Variants in DCLK1 observed in about 807,000 individuals in gnomAD.
DCLK1 encodes serine/threonine-protein kinase DCLK1.
A neutral mutation model predicts 86.2 loss-of-function variants in DCLK1; 16 were observed. The ratio of observed to expected loss-of-function variants is 0.19; its 90% confidence interval spans 0.13 to 0.28. The LOEUF (loss-of-function observed/expected upper bound fraction) is 0.28, where lower values mean the gene tolerates loss of function less well. Among genes scored for constraint, DCLK1 ranks in the 10% least tolerant of loss-of-function variants. The pLI is 1.00. For missense variants in DCLK1, 590 were observed against 940.2 expected, an observed-to-expected ratio of 0.63 and a Z score of 4.87; for synonymous variants, 369 against 370.5, an observed-to-expected ratio of 1.00 and a Z score of 0.05.
chr13:35,928,357 C>T (rs1876241687), intron 4 of DCLK1, among the ~76,000 whole-genome samples: 1 of 152,190 alleles, frequency 6.6e-6, no homozygotes, highest in South Asian at 2.1e-4. Flanking sequence ...ACCCTCTCAC[C>T]TCAGGCCCTC....
chr13:36,112,480 G>A lies in DCLK1; in HGVS notation c.377-265C>T, dbSNP rs186302609. 2.0e-5 allele frequency among the ~76,000 whole-genome samples: 3 copies of A among 152,212 alleles called. No individual in the cohort carries two copies. The East Asian group carries it at 5.8e-4, about 29-fold the overall frequency. On this transcript the variant is annotated intron_variant, in intron 2 of 16. Coordinates refer to ENST00000360631, the MANE Select transcript of DCLK1 (RefSeq NM_001330071.2). ...TCTTAAGGTCGGTGATAGAAATGCT[G>A]ATCTACTTGAAAAGACCTTAGAGAA...
intron 3 of DCLK1, among the ~76,000 whole-genome samples, chr13:36,072,110 C>T (rs568361731): frequency 6.6e-6 from 1 of 152,232 alleles, no homozygotes; most frequent in East Asian, 1.9e-4. Flanking sequence ...TCAATTTCTC[C>T]TCTAATTTGT....
chr13:36,129,198 C>T (rs1169090202), intron 1 of DCLK1, among the ~76,000 whole-genome samples: 4 of 152,142 alleles, frequency 2.6e-5, no homozygotes, highest in Admixed American at 1.3e-4. Flanking sequence ...ACATCGAATT[C>T]TCAGTGACTG....
chr13:35,839,812 A>G (rs936895265), intron 6 of DCLK1, among the ~76,000 whole-genome samples: 10 of 152,224 alleles, frequency 6.6e-5, no homozygotes, highest in African/African-American at 2.2e-4. Context: ...TTTTTGACCC[A>G]AGATCCATGA....
intron 3 of DCLK1, among the ~76,000 whole-genome samples, chr13:36,002,063 A>G (rs1880745677): frequency 6.6e-6 from 1 of 152,192 alleles, no homozygotes; most frequent in Non-Finnish European, 1.5e-5. Context: ...AACTCTACTC[A>G]CAAGGCCAGG....
At chr13:35,966,505 CCCCTCCCCCTCT>C (rs1321939899) in intron 3 of DCLK1, among the ~76,000 whole-genome samples, 1 of 132,168 alleles carries the variant, frequency 7.6e-6, no homozygotes, top group Non-Finnish European at 1.6e-5. Context: ...CCTCCCCCTC[CCCCTCCCCCTCT>C]CCCTCTCCCT....
chr13:36,060,955 G>A lies in DCLK1; in HGVS notation c.723+50914C>T, dbSNP rs73525229. On this transcript the variant is annotated intron_variant, in intron 3 of 16. Transcript: ENST00000360631. ...GTCAGATGTGATGAATGCAACACCT[G>A]GTTAGGAACAATGTGTGCAAAACTG... is the stretch of plus-strand genomic sequence containing the variant. Among the ~76,000 whole-genome samples, 1,269 of 152,250 alleles carry A rather than the reference G, an allele frequency of 8.3e-3. 15 individuals carry two copies. The highest frequency in any genetic ancestry group is 0.029 in the African/African-American group (1,196 of 41,550).
chr13:35,854,521 G>T lies in DCLK1; in HGVS notation c.1013C>A (p.Pro338Gln). The T allele has an allele frequency of 6.2e-7, 1 of 1,604,556 alleles. No homozygotes were observed. The highest frequency in any genetic ancestry group is 8.5e-7 in the Non-Finnish European group (1 of 1,175,002). Reference sequence around the variant, plus strand: ...TACCCTCTGCTTCCGCAGGCTTCCTGGGCTGGTGGGTGATGGGCTTGGCGA... The same window carrying T: ...TACCCTCTGCTTCCGCAGGCTTCCTTGGCTGGTGGGTGATGGGCTTGGCGA... ...GKSPSPSPTS[P>Q]GSLRKQRSSQ... is the part of the protein sequence containing the mutation. Residue 338 changes from proline (P) to glutamine (Q), a missense_variant, in exon 6 of 17, where the codon CCA becomes CAA. Pro to Gln is a moderately conservative substitution (Grantham distance 76, BLOSUM62 -1). Transcript: ENST00000360631.
In DCLK1 at chr13:35,770,676, G is replaced by T. The variant is rs746710268; in HGVS notation, c.*3859C>A. 12 of 152,114 alleles carry T rather than the reference G, an allele frequency of 7.9e-5. No individual in the cohort carries two copies. Among genetic ancestry groups the T allele is most frequent in the Non-Finnish European group, 1.5e-4 (10 of 68,018 alleles). The allele number at this position is 152,114 out of a possible 1,614,324, so 9.4% of individuals were successfully genotyped here. A position where few individuals can be genotyped will look rare whatever the true frequency, so the allele number is the denominator to read the frequency against. On this transcript the variant is annotated 3_prime_UTR_variant, in exon 17 of 17. Transcript: ENST00000360631. ...TTATTGACTTACAAATTATAGAAAA[G>T]ATATGTTATCTACAATATATGCCAG... is the stretch of plus-strand genomic sequence containing the variant.
chr13:35,821,804 C>T (rs1392319979), intron 11 of DCLK1, among the ~76,000 whole-genome samples: 2 of 151,900 alleles, frequency 1.3e-5, no homozygotes, highest in Non-Finnish European at 2.9e-5. Context: ...GTCTCTACCT[C>T]CTCTTTTTTT....
intron 4 of DCLK1, among the ~76,000 whole-genome samples, chr13:35,897,395 A>G (rs1360602311): frequency 6.6e-6 from 1 of 152,174 alleles, no homozygotes; most frequent in Non-Finnish European, 1.5e-5. Context: ...CAAGAATGGA[A>G]GGCGGGAACC....
intron 3 of DCLK1, among the ~76,000 whole-genome samples, chr13:35,973,732 C>G (rs1053246806): frequency 2.0e-5 from 3 of 152,128 alleles, no homozygotes; most frequent in Non-Finnish European, 4.4e-5. Flanking sequence ...GCTGGAAGGA[C>G]AGGCAGGGTC....
chr13:35,888,878 A>C (rs1306194523), intron 4 of DCLK1, among the ~76,000 whole-genome samples: 1 of 152,220 alleles, frequency 6.6e-6, no homozygotes, highest in Non-Finnish European at 1.5e-5. Context: ...AATGGTATGT[A>C]AACTGCAAGG....
chr13:36,018,816 A>G (rs1013248427), intron 3 of DCLK1, among the ~76,000 whole-genome samples: 2 of 152,316 alleles, frequency 1.3e-5, no homozygotes, highest in African/African-American at 4.8e-5. Context: ...TATAAATTAT[A>G]CACATTATAA....
intron 2 of DCLK1, among the ~76,000 whole-genome samples, chr13:36,112,913 G>A (rs1227610095): frequency 6.6e-6 from 1 of 152,166 alleles, no homozygotes; most frequent in Non-Finnish European, 1.5e-5. Context: ...TGACTCCTTA[G>A]CAGGAAATCT....
At chr13:36,118,285 G>A (rs1189900299) in intron 2 of DCLK1, among the ~76,000 whole-genome samples, 2 of 152,126 alleles carry the variant, frequency 1.3e-5, no homozygotes. Context: ...AGCCGACCAG[G>A]AGAGGAGGTG....
intron 4 of DCLK1, among the ~76,000 whole-genome samples, chr13:35,931,604 T>C (rs1003599334): frequency 2.0e-5 from 3 of 152,058 alleles, no homozygotes; most frequent in South Asian, 4.2e-4. Context: ...CTAGGTGCCA[T>C]TTTAGGGAGG....
chr13:36,075,265 T>C (rs1019170844), intron 3 of DCLK1, among the ~76,000 whole-genome samples: 1 of 152,252 alleles, frequency 6.6e-6, no homozygotes, highest in Non-Finnish European at 1.5e-5. Flanking sequence ...TCTGCTCATG[T>C]ATAAAACAAG....
intron 3 of DCLK1, among the ~76,000 whole-genome samples, chr13:36,071,410 T>C (rs1251910801): frequency 6.6e-6 from 1 of 152,160 alleles, no homozygotes; most frequent in African/African-American, 2.4e-5. Context: ...TTATACTCAC[T>C]TCAGATATGA....
Sources: gnomAD v4.1 joint callset for allele counts (sites outside exome capture counted in the v4.1 genomes callset) on GRCh38, gnomAD v4.1.1 for gene constraint, MANE v1.5 for transcripts, NCBI Gene and HGNC (gene_info 2026-07-23, HGNC 2026-07-21) for gene names.